Variants in PCDHA5 observed in about 807,000 individuals in gnomAD.
PCDHA5 encodes the protein protocadherin alpha 5, also known as protocadherin alpha-5.
PCDHA5 carries 43 observed loss-of-function variants against 61.6 expected under a neutral mutation model. That is an observed-to-expected ratio of 0.70 (90% confidence interval 0.55 to 0.90). The LOEUF is 0.90. Ranked by LOEUF, PCDHA5 falls within the 40% of genes least tolerant of loss-of-function variation. The pLI is 0.00. For missense variants in PCDHA5, 1,298 were observed against 1,222.7 expected (o/e 1.06, Z -0.92); for synonymous variants, 627 against 543.9 (o/e 1.15, Z -2.13).
At chr5:140,849,432 A>C (rs2150437335) in intron 1 of PCDHA5, 5 of 1,580,716 alleles carry the variant, frequency 3.2e-6, no homozygotes, top group African/African-American at 1.4e-5. Context: ...TTTTGAAGAA[A>C]GTAGAGCACA....
intron 2 of PCDHA5, 138 bp from the exon 3 acceptor site, chr5:140,982,337 A>G: frequency 6.9e-7 from 1 of 1,455,066 alleles, no homozygotes; most frequent in East Asian, 2.5e-5. Context: ...CTCAGCAGTA[A>G]TTGCTTCAGT....
chr5:140,858,306 G>A (rs1554151408), intron 1 of PCDHA5: 3 of 1,597,282 alleles, frequency 1.9e-6, no homozygotes, highest in South Asian at 1.1e-5. Flanking sequence ...CAGCAGAGGC[G>A]GCAGAGGGTG....
intron 1 of PCDHA5, chr5:140,969,232 C>A (rs138367129): frequency 1.9e-4 from 314 of 1,614,066 alleles, no homozygotes; most frequent in Non-Finnish European, 2.5e-4. Flanking sequence ...CTTCGGGAGC[C>A]CAAGCAGCAG....
intron 1 of PCDHA5, among the ~76,000 whole-genome samples, chr5:140,963,244 T>C (rs934081934): frequency 6.6e-6 from 1 of 151,988 alleles, no homozygotes; most frequent in Non-Finnish European, 1.5e-5. Flanking sequence ...ATGGATTAGG[T>C]AGGTTTTCAT....
chr5:140,857,139 T>A (rs1554149566), intron 1 of PCDHA5: 1 of 1,598,268 alleles, frequency 6.3e-7, no homozygotes, highest in South Asian at 1.1e-5. Context: ...GATGCTCAAG[T>A]GGGCACCGTC....
At chr5:140,947,238 A>G (rs1252869330) in intron 1 of PCDHA5, among the ~76,000 whole-genome samples, 2 of 151,618 alleles carry the variant, frequency 1.3e-5, no homozygotes, top group Non-Finnish European at 3.0e-5. Flanking sequence ...GGAAAAAAAA[A>G]TAAGATAATC....
At chr5:140,870,906 C>A (rs201710263) in intron 1 of PCDHA5, 2 of 1,613,946 alleles carry the variant, frequency 1.2e-6, no homozygotes, top group South Asian at 2.2e-5. Flanking sequence ...CGGACTCAGG[C>A]TACAACGCGT....
In PCDHA5 at chr5:141,011,948, A is replaced by G. The variant is rs1011232437; in HGVS notation, c.*2011A>G. ...TAGGAGTCTGTTATTTAAAAAAAGC[A>G]TTAAATTTAAAAAAAAACTGTCTTG... On this transcript the variant is annotated 3_prime_UTR_variant, in exon 4 of 4. Transcript: ENST00000529859. 3 of 153,698 alleles carry G rather than the reference A, an allele frequency of 2.0e-5. No homozygotes were observed. The highest frequency in any genetic ancestry group is 4.4e-5 in the Non-Finnish European group (3 of 68,026). The allele number at this position is 153,698 out of a possible 1,614,324, so 9.5% of individuals were successfully genotyped here.
At chr5:140,930,446 C>T (rs891083222) in intron 1 of PCDHA5, 1 of 151,964 alleles carries the variant, frequency 6.6e-6, no homozygotes, top group Admixed American at 6.6e-5. Context: ...TGGTCTCAAA[C>T]TCCTAGCCTC....
chr5:140,978,644 G>A (rs782602318), intron 1 of PCDHA5, among the ~76,000 whole-genome samples: 18 of 152,220 alleles, frequency 1.2e-4, no homozygotes, highest in Non-Finnish European at 1.9e-4. Context: ...AAAGCAGACT[G>A]TTCTTCCCGT....
chr5:140,973,754 G>A (rs2096600951), intron 1 of PCDHA5, among the ~76,000 whole-genome samples: 1 of 152,198 alleles, frequency 6.6e-6, no homozygotes, highest in South Asian at 2.1e-4. Flanking sequence ...CACTCTGCAG[G>A]GACACAGCCT....
chr5:140,993,828 A>G (rs1170306716), intron 3 of PCDHA5, among the ~76,000 whole-genome samples: 1 of 152,226 alleles, frequency 6.6e-6, no homozygotes, highest in East Asian at 1.9e-4. Context: ...AGGCTATACC[A>G]TATAGCCTAG....
intron 1 of PCDHA5, chr5:140,967,958 C>T (rs202159883): frequency 5.6e-6 from 9 of 1,614,182 alleles, no homozygotes; most frequent in East Asian, 2.2e-5. Flanking sequence ...AGGCCCCAAC[C>T]GGAAAGTGAG....
intron 1 of PCDHA5, chr5:140,869,704 G>A (rs1271953937): frequency 2.5e-6 from 4 of 1,613,400 alleles, no homozygotes; most frequent in Admixed American, 3.3e-5. Flanking sequence ...GAAGTCTCTG[G>A]ATAGAGAGAA....
In PCDHA5 at chr5:141,009,805, A is replaced by G. The variant is rs1358613672; in HGVS notation, c.2679A>G (p.Gln893=). The change falls in exon 4 of 4, where the codon CAA becomes CAG. Residue 893 remains glutamine, a synonymous_variant. Transcript: ENST00000529859. ...ISIRQEPTNS[Q]IDKSDFITFG... ...TCCGGCAGGAGCCTACTAACAGCCAAATTGACAAAAGTGACTTCATAACCT... is the reference window on the plus strand; with the variant it reads ...TCCGGCAGGAGCCTACTAACAGCCAGATTGACAAAAGTGACTTCATAACCT... The G allele has an allele frequency of 3.1e-6, 5 of 1,613,974 alleles. No homozygotes were observed. Among genetic ancestry groups the G allele is most frequent in the African/African-American group, 1.3e-5 (1 of 74,898 alleles).
chr5:140,995,812 G>A (rs2097699173), intron 3 of PCDHA5, among the ~76,000 whole-genome samples: 1 of 152,202 alleles, frequency 6.6e-6, no homozygotes, highest in Non-Finnish European at 1.5e-5. Flanking sequence ...TTTCTGAAGG[G>A]AGATAGCCTG....
intron 1 of PCDHA5, among the ~76,000 whole-genome samples, chr5:140,922,935 G>A (rs1484457119): frequency 6.6e-6 from 1 of 152,130 alleles, no homozygotes; most frequent in Non-Finnish European, 1.5e-5. Flanking sequence ...TTTACTTCCA[G>A]CAATGGAAAT....
At chr5:141,003,968 G>A (rs1262948428) in intron 3 of PCDHA5, among the ~76,000 whole-genome samples, 1 of 152,148 alleles carries the variant, frequency 6.6e-6, no homozygotes, top group Non-Finnish European at 1.5e-5. Flanking sequence ...GGAGCATAAG[G>A]GAGGGGACTT....
At chr5:140,837,490 C>A (rs1775075680) in intron 1 of PCDHA5, among the ~76,000 whole-genome samples, 1 of 146,602 alleles carries the variant, frequency 6.8e-6, no homozygotes, top group East Asian at 2.0e-4. Context: ...ATTTACTTTA[C>A]CTTTCTGAAT....
Sources: allele counts gnomAD v4.1 joint callset (sites outside exome capture counted in the v4.1 genomes callset), GRCh38; gene constraint gnomAD v4.1.1; transcripts MANE v1.5; gene names NCBI Gene and HGNC (gene_info 2026-07-23, HGNC 2026-07-21).